LRRC17: variants seen among roughly 807,000 people sequenced by gnomAD.
LRRC17 encodes leucine rich repeat containing 17, also known as leucine-rich repeat-containing protein 17.
LRRC17 carries 33 observed loss-of-function variants against 41.5 expected under a neutral mutation model. The observed-to-expected ratio is 0.80, with a 90% CI of 0.60 to 1.06. The LOEUF (loss-of-function observed/expected upper bound fraction) is 1.06. Ranked by LOEUF, LRRC17 falls within the 50% of genes least tolerant of loss-of-function variation. LRRC17 has a pLI of 0.00. For missense variants in LRRC17, 491 were observed against 519.3 expected, an observed-to-expected ratio of 0.95 and a Z score of 0.53; for synonymous variants, 192 against 197.0, an observed-to-expected ratio of 0.97 and a Z score of 0.21.
Position 102,944,192 on chromosome 7 carries a change from A to T in LRRC17, c.929-18A>T. The T allele has an allele frequency of 6.3e-7, 1 of 1,581,504 alleles. No individual in the cohort carries two copies. Among genetic ancestry groups the T allele is most frequent in the Non-Finnish European group, 8.6e-7 (1 of 1,166,428 alleles). On this transcript the variant is annotated intron_variant, in intron 3 of 3. Transcript: ENST00000339431. ...TTAACTCAATTACTCAGGCTCAATA[A>T]ATATTTTCTGTTTCCAGCCGCTTTT...
At chr7:102,939,697 A>G (rs1490041727) in intron 3 of LRRC17, 112 bp downstream of exon 3, 4 of 988,898 alleles carry the variant, frequency 4.0e-6, no homozygotes, top group East Asian at 2.5e-5. Flanking sequence ...ACTAAATAAT[A>G]AAGTACAAGT....
Position 102,944,509 on chromosome 7 carries a change from G to A in LRRC17, c.1228G>A (p.Glu410Lys). 1 of 1,614,024 alleles carries A rather than the reference G, an allele frequency of 6.2e-7. No homozygotes were observed. Among genetic ancestry groups the A allele is most frequent in the Non-Finnish European group, 8.5e-7 (1 of 1,179,978 alleles). The change falls in exon 4 of 4, where the codon GAG becomes AAG. Residue 410 changes from glutamate (E) to lysine (K), a missense_variant. Physicochemically the swap from Glu to Lys is moderately conservative, Grantham distance 56. Coordinates refer to ENST00000339431, the MANE Select transcript of LRRC17 (RefSeq NM_001031692.3). The part of the protein sequence containing the change: ...CPKDKLPAYP[E>K]SFDQDTEDDE... ...CAAAGACAAGTTACCAGCATATCCT[G>A]AGTCATTTGACCAAGACACAGAAGA...
rs761497097 is a variant in LRRC17, at chr7:102,934,004, A to C, written c.91A>C (p.Asn31His). ...CCCAGGCAGTGTGAGAAGCCGAGTG[A>C]ATCATGGCCGGGCGGGTGGAGGCCG... is the stretch of plus-strand genomic sequence containing the variant. ...ASPGSVRSRV[N>H]HGRAGGGRRG... is the part of the protein sequence containing the mutation. Residue 31 changes from asparagine to histidine, a missense_variant, in exon 2 of 4, where the codon AAT becomes CAT. Coordinates refer to ENST00000339431, the MANE Select transcript of LRRC17 (RefSeq NM_001031692.3). 6.2e-7 allele frequency: 1 copy of C among 1,614,132 alleles called. No individual in the cohort carries two copies.
chr7:102,915,121 TA>T (rs1050713077), intron 1 of LRRC17, among the ~76,000 whole-genome samples: 29 of 139,184 alleles, frequency 2.1e-4, no homozygotes, highest in African/African-American at 4.0e-4. Flanking sequence ...GAGATTAAAA[TA>T]TTTTTTTTTT....
chr7:102,915,984 CTT>C (rs1167962491), intron 1 of LRRC17, among the ~76,000 whole-genome samples: 22 of 143,844 alleles, frequency 1.5e-4, no homozygotes, highest in African/African-American at 2.5e-4. Flanking sequence ...TGAGTTTCTT[CTT>C]TTTTTTTTTT....
chr7:102,929,532 C>T (rs532704496), intron 1 of LRRC17, among the ~76,000 whole-genome samples: 3 of 152,100 alleles, frequency 2.0e-5, no homozygotes, highest in Admixed American at 6.5e-5. Flanking sequence ...GGTGCAGTGG[C>T]ACGTGCCTAT....
chr7:102,935,278 C>A, intron 2 of LRRC17, among the ~76,000 whole-genome samples: 1 of 107,168 alleles, frequency 9.3e-6, no homozygotes, highest in Non-Finnish European at 1.7e-5. Flanking sequence ...TTGAGATGGA[C>A]TCTCGCTCTG....
At position 102,934,218 on chromosome 7, in the gene LRRC17, C is replaced by G. The variant is rs774797610; in HGVS notation, c.305C>G (p.Ser102Cys). 3 of 1,614,178 alleles carry G rather than the reference C, an allele frequency of 1.9e-6. No homozygotes were observed. The highest frequency in any genetic ancestry group is 2.5e-6 in the Non-Finnish European group (3 of 1,180,016). The change falls in exon 2 of 4, where the codon TCC (serine) becomes TGC (cysteine). Residue 102 changes from serine to cysteine, a missense_variant. By Grantham distance (112) the Ser-to-Cys change is moderately radical. Coordinates refer to ENST00000339431, the MANE Select transcript of LRRC17 (RefSeq NM_001031692.3). Reference protein sequence around the residue: ...KIRTLKNNMFSKFKKLKSLDL... With the variant: ...KIRTLKNNMFCKFKKLKSLDL... ...CGCACATTGAAGAACAACATGTTTT[C>G]CAAGTTTAAAAAGCTGAAAAGCCTG...
rs58855527 is a variant in LRRC17 at position 102,939,426 on chromosome 7, C to T, written c.773-4C>T. On this transcript the variant is annotated splice_region_variant and splice_polypyrimidine_tract_variant and intron_variant, in intron 2 of 3. Transcript: ENST00000339431. ...AATAACGTAAATATTATTAAATTTT[C>T]CAGAGTTGAAAAAAGTGCCAAACAA... 4.9e-5 allele frequency: 78 copies of T among 1,604,508 alleles called. No individual in the cohort carries two copies. In the African/African-American group the frequency reaches 9.3e-4, roughly 19 times the overall value.
In LRRC17 at chr7:102,926,139, C is replaced by T. The variant is rs1818086587; in HGVS notation, c.-140-7635C>T. ...AGCTTAGGGACTTGAAAGCAGCAGA[C>T]CCCTTATCAGAAAAGCAGTGCCACA... On this transcript the variant is annotated intron_variant, in intron 1 of 3. Transcript: ENST00000339431. 4.4e-6 allele frequency: 3 copies of T among 685,376 alleles called. No homozygotes were observed. In the Admixed American group the frequency reaches 8.5e-5, roughly 19 times the overall value. 42.5% of individuals were successfully genotyped at this position (685,376 alleles called of 1,614,324 possible). A position where few individuals can be genotyped will look rare whatever the true frequency, so the allele number is the denominator to read the frequency against.
chr7:102,931,693 C>T (rs1027043739), intron 1 of LRRC17, among the ~76,000 whole-genome samples: 3 of 152,192 alleles, frequency 2.0e-5, no homozygotes, highest in African/African-American at 7.2e-5. Flanking sequence ...CAACACTGAG[C>T]ATACATCTAC....
chr7:102,919,596 T>A (rs1375296544), intron 1 of LRRC17, among the ~76,000 whole-genome samples: 2 of 152,160 alleles, frequency 1.3e-5, no homozygotes, highest in East Asian at 3.8e-4. Context: ...AAAAATAGGT[T>A]ACCAACAAAG....
chr7:102,926,362 T>G (rs1050045953), intron 1 of LRRC17: 2 of 1,613,100 alleles, frequency 1.2e-6, no homozygotes, highest in Admixed American at 1.7e-5. Flanking sequence ...GAAATGTGTC[T>G]CATTGATTCA....
chr7:102,938,757 G>A (rs1279173893), intron 2 of LRRC17, among the ~76,000 whole-genome samples: 1 of 152,070 alleles, frequency 6.6e-6, no homozygotes, highest in African/African-American at 2.4e-5. Context: ...AAGTTCTAAG[G>A]TAAAAGAACT....
At chr7:102,923,825 AAAATAAAT>A in intron 1 of LRRC17, among the ~76,000 whole-genome samples, 1 of 152,198 alleles carries the variant, frequency 6.6e-6, no homozygotes, top group South Asian at 2.1e-4. Context: ...ATGCCATCTC[AAAATAAAT>A]AAATAAATAA....
At chr7:102,914,092 G>A (rs903394589) in intron 1 of LRRC17, among the ~76,000 whole-genome samples, 17 of 152,074 alleles carry the variant, frequency 1.1e-4, no homozygotes, top group Non-Finnish European at 1.9e-4. Context: ...ACGAAGTTTC[G>A]CTCTTGTTGC....
rs73408251 is a variant in LRRC17 at position 102,934,753 on chromosome 7, C to T, written c.772+68C>T. The T allele has an allele frequency of 3.1e-3, 4,004 of 1,297,548 alleles. 78 individuals are homozygous for T. The African/African-American group carries it at 0.054, about 17-fold the overall frequency. 80.4% of individuals were successfully genotyped at this position (1,297,548 alleles called of 1,614,324 possible). On this transcript the variant is annotated intron_variant, in intron 2 of 3. Transcript: ENST00000339431. The stretch of plus-strand genomic sequence containing the variant: ...AATGCTCTTTGAATCTTATAATCCT[C>T]CCTACATCCCACCATGTCTTGGAAT...
chr7:102,943,921 C>T (rs1821952204), intron 3 of LRRC17, among the ~76,000 whole-genome samples: 1 of 152,142 alleles, frequency 6.6e-6, no homozygotes, highest in African/African-American at 2.4e-5. Context: ...CCCCACCTTC[C>T]CACCAGAGCT....
rs376661867 is a variant in LRRC17 at position 102,921,301 on chromosome 7, G to C, written c.-141+8156G>C. 7.4e-4 allele frequency among the ~76,000 whole-genome samples: 112 copies of C among 152,344 alleles called. 2 individuals carry two copies. The East Asian group carries it at 0.017, about 23-fold the overall frequency. ...ATAACATCAAAATAAAGAGAAGCTT[G>C]ATCATAATAGGCAACTAATATATCA... On this transcript the variant is annotated intron_variant, in intron 1 of 3. Coordinates refer to ENST00000339431, the MANE Select transcript of LRRC17 (RefSeq NM_001031692.3).
Sources: gnomAD v4.1 joint callset for allele counts (sites outside exome capture counted in the v4.1 genomes callset) on GRCh38, gnomAD v4.1.1 for gene constraint, MANE v1.5 for transcripts, NCBI Gene and HGNC (gene_info 2026-07-23, HGNC 2026-07-21) for gene names.